ZFAND6: variants seen among roughly 807,000 people sequenced by gnomAD.
ZFAND6 encodes the protein AN1-type zinc finger protein 6.
ZFAND6 carries 12 observed loss-of-function variants against 24.5 expected under a neutral mutation model. The ratio of observed to expected loss-of-function variants is 0.49; its 90% CI spans 0.31 to 0.79. ZFAND6 has a LOEUF of 0.79. Ranked by LOEUF, ZFAND6 falls within the 30% of genes least tolerant of loss-of-function variation. The pLI is 0.04. For synonymous variants in ZFAND6, 92 were observed against 81.5 expected (o/e 1.13, Z -0.69); for missense variants, 207 against 245.9 (o/e 0.84, Z 1.06).
intron 2 of ZFAND6, among the ~76,000 whole-genome samples, chr15:80,108,979 C>T (rs2039474142): frequency 6.6e-6 from 1 of 152,112 alleles, no homozygotes; most frequent in African/African-American, 2.4e-5. Context: ...CTGCCTGTCT[C>T]GGCCTCCCAA....
rs1377308800 is a variant in ZFAND6 at position 80,138,016 on chromosome 15, G to C, written c.*388G>C. 1 of 156,352 alleles carries C rather than the reference G, an allele frequency of 6.4e-6. No homozygotes were observed. Among genetic ancestry groups the C allele is most frequent in the Non-Finnish European group, 1.4e-5 (1 of 70,722 alleles). 9.7% of individuals were successfully genotyped at this position (156,352 alleles called of 1,614,324 possible). A position where few individuals can be genotyped will look rare whatever the true frequency, so the allele number is the denominator to read the frequency against. On this transcript the variant is annotated 3_prime_UTR_variant, in exon 7 of 7. Coordinates refer to ENST00000261749, the MANE Select transcript of ZFAND6 (RefSeq NM_019006.4). The stretch of plus-strand genomic sequence containing the variant: ...TTCTCTGCAGCACGATTTCTCTTTT[G>C]ATAATGCCCTTTAGGGCACAACTAG...
intron 6 of ZFAND6, among the ~76,000 whole-genome samples, chr15:80,135,560 C>T (rs1161170691): frequency 6.6e-6 from 1 of 152,192 alleles, no homozygotes; most frequent in Non-Finnish European, 1.5e-5. Flanking sequence ...AGATTTTGAG[C>T]AGAGCTTTGC....
At chr15:80,106,606 A>G (rs1254576352) in intron 2 of ZFAND6, among the ~76,000 whole-genome samples, 1 of 144,428 alleles carries the variant, frequency 6.9e-6, no homozygotes, top group Non-Finnish European at 1.5e-5. Context: ...TTTTGCTTCC[A>G]TATTATAGGC....
rs186106198 is a variant in ZFAND6, at chr15:80,108,951, C to T, written c.-18+10373C>T. Among the ~76,000 whole-genome samples, 754 of 152,214 alleles carry T rather than the reference C, an allele frequency of 5.0e-3. 4 individuals carry two copies. Among genetic ancestry groups the T allele is most frequent in the African/African-American group, 0.018 (734 of 41,520 alleles). ...CCATGTTGACTAGGCTGGTCTTGAA[C>T]TCCTGACCTCAAGTGATCTGCCTGT... is the stretch of plus-strand genomic sequence containing the variant. On this transcript the variant is annotated intron_variant, in intron 2 of 6. Coordinates refer to ENST00000261749, the MANE Select transcript of ZFAND6 (RefSeq NM_019006.4).
At chr15:80,077,951 G>A (rs534564024) in intron 1 of ZFAND6, among the ~76,000 whole-genome samples, 6 of 151,802 alleles carry the variant, frequency 4.0e-5, no homozygotes, top group Admixed American at 3.3e-4. Context: ...CACCCGCCTC[G>A]GCCTCCCAAA....
chr15:80,121,228 C>T (rs1185346422), intron 3 of ZFAND6, among the ~76,000 whole-genome samples: 1 of 152,038 alleles, frequency 6.6e-6, no homozygotes, highest in East Asian at 1.9e-4. Flanking sequence ...TTTGTTCAAG[C>T]CAAAACCTAC....
intron 1 of ZFAND6, among the ~76,000 whole-genome samples, chr15:80,084,048 T>G (rs2037843460): frequency 6.6e-6 from 1 of 152,188 alleles, no homozygotes; most frequent in Admixed American, 6.5e-5. Flanking sequence ...TGGCATGGGT[T>G]CAAGATTGTG....
intron 2 of ZFAND6, among the ~76,000 whole-genome samples, chr15:80,107,095 A>G (rs2039368979): frequency 6.6e-6 from 1 of 152,134 alleles, no homozygotes; most frequent in Non-Finnish European, 1.5e-5. Flanking sequence ...GACGCCAGTA[A>G]TCTCAGCTAG....
At chr15:80,127,378 A>G (rs570104779) in intron 5 of ZFAND6, among the ~76,000 whole-genome samples, 1 of 152,128 alleles carries the variant, frequency 6.6e-6, no homozygotes, top group Admixed American at 6.5e-5. Flanking sequence ...ACCTTAAGTC[A>G]GGAGTTGGAG....
intron 1 of ZFAND6, among the ~76,000 whole-genome samples, chr15:80,067,192 T>C (rs1295796333): frequency 6.6e-6 from 1 of 152,200 alleles, no homozygotes; most frequent in Non-Finnish European, 1.5e-5. Context: ...CTTTTATTTT[T>C]TATTTCCAAA....
chr15:80,132,484 G>T (rs1305250524), intron 6 of ZFAND6, among the ~76,000 whole-genome samples: 4 of 152,140 alleles, frequency 2.6e-5, no homozygotes, highest in Admixed American at 2.0e-4. Flanking sequence ...AGTGAGAGTG[G>T]CAAAAAGTTA....
At chr15:80,082,150 A>C (rs1262486546) in intron 1 of ZFAND6, among the ~76,000 whole-genome samples, 1 of 152,292 alleles carries the variant, frequency 6.6e-6, no homozygotes, top group Middle Eastern at 3.4e-3. Context: ...TGGAGTATAC[A>C]TAGGATATGG....
chr15:80,086,202 C>T (rs937278353), intron 1 of ZFAND6, among the ~76,000 whole-genome samples: 1 of 151,990 alleles, frequency 6.6e-6, no homozygotes, highest in Admixed American at 6.6e-5. Flanking sequence ...CCACACCCAG[C>T]TAATTTTGTA....
chr15:80,068,806 GCT>G (rs1400384811), intron 1 of ZFAND6, among the ~76,000 whole-genome samples: 11 of 152,198 alleles, frequency 7.2e-5, no homozygotes, highest in Admixed American at 6.5e-4. Context: ...ACCACATGTG[GCT>G]CTCATTATGT....
At chr15:80,060,072 C>T (rs1225215242) in intron 1 of ZFAND6, 3 of 150,396 alleles carry the variant, frequency 2.0e-5, no homozygotes, top group South Asian at 2.1e-4. Context: ...CGCCCGCGGC[C>T]GGGGGCCGCT....
chr15:80,077,644 C>G (rs1179817739), intron 1 of ZFAND6, among the ~76,000 whole-genome samples: 2 of 150,686 alleles, frequency 1.3e-5, no homozygotes, highest in East Asian at 3.9e-4. Context: ...TAATTATAAG[C>G]ATAGTAAAAA....
At chr15:80,131,539 A>ACC (rs2040602903) in intron 6 of ZFAND6, 5 of 433,822 alleles carry the variant, frequency 1.2e-5, no homozygotes, top group Non-Finnish European at 2.0e-5. Flanking sequence ...AAATAAGGTT[A>ACC]GTGTGCCAGA....
At chr15:80,062,439 G>A (rs750222971) in intron 1 of ZFAND6, among the ~76,000 whole-genome samples, 1 of 152,170 alleles carries the variant, frequency 6.6e-6, no homozygotes, top group Non-Finnish European at 1.5e-5. Context: ...GTTTCCCGAG[G>A]ATCTGTTTCA....
chr15:80,065,824 C>T (rs936726173), intron 1 of ZFAND6, among the ~76,000 whole-genome samples: 3 of 151,852 alleles, frequency 2.0e-5, no homozygotes, highest in Non-Finnish European at 2.9e-5. Context: ...GGATTACAGG[C>T]GTGACCCACT....
Sources: allele counts gnomAD v4.1 joint callset (sites outside exome capture counted in the v4.1 genomes callset), GRCh38; gene constraint gnomAD v4.1.1; transcripts MANE v1.5; gene names NCBI Gene and HGNC (gene_info 2026-07-23, HGNC 2026-07-21).